The following SNX25 variants were observed in gnomAD, a reference collection of about 807,000 sequenced individuals.
SNX25 encodes sorting nexin 25.
In SNX25, 62 loss-of-function variants were observed where a neutral mutation model predicts 113.7. That is an observed-to-expected ratio of 0.55 (90% CI 0.44 to 0.67). The LOEUF (loss-of-function observed/expected upper bound fraction) is 0.67. SNX25 is among the 30% of genes least tolerant of loss of function. SNX25 has a pLI of 0.00. For missense variants in SNX25, 1,014 were observed against 1,161.0 expected, an observed-to-expected ratio of 0.87 and a Z score of 1.84; for synonymous variants, 421 against 436.2, an observed-to-expected ratio of 0.97 and a Z score of 0.43.
intron 9 of SNX25, among the ~76,000 whole-genome samples, chr4:185,328,744 G>C (rs1201202865): frequency 2.6e-5 from 4 of 152,190 alleles, no homozygotes; most frequent in Admixed American, 1.3e-4. Flanking sequence ...CATGGAGAAA[G>C]GGACATGAAC....
At chr4:185,337,866 A>G (rs1188245526) in intron 10 of SNX25, among the ~76,000 whole-genome samples, 1 of 152,162 alleles carries the variant, frequency 6.6e-6, no homozygotes, top group Admixed American at 6.5e-5. Context: ...TCCTACTACT[A>G]TCTTATTAAG....
chr4:185,299,803 G>C (rs1753375717), intron 6 of SNX25, among the ~76,000 whole-genome samples: 1 of 152,088 alleles, frequency 6.6e-6, no homozygotes, highest in African/African-American at 2.4e-5. Context: ...CTTTTTTGCT[G>C]TTCTGAATCC....
intron 6 of SNX25, among the ~76,000 whole-genome samples, chr4:185,289,842 T>C (rs1200262545): frequency 6.6e-6 from 1 of 152,200 alleles, no homozygotes; most frequent in East Asian, 1.9e-4. Context: ...TATTTTGTTA[T>C]TCCATTAGTT....
upstream of SNX25, among the ~76,000 whole-genome samples, chr4:185,207,104 C>T (rs891934217): frequency 6.6e-6 from 1 of 152,034 alleles, no homozygotes; most frequent in East Asian, 1.9e-4. Context: ...ACTCAATCCA[C>T]TGACCCAGGG....
downstream of SNX25, chr4:185,367,324 G>A: frequency 7.8e-7 from 1 of 1,278,786 alleles, no homozygotes; most frequent in Non-Finnish European, 1.1e-6. Flanking sequence ...TTTCTTTTTT[G>A]ATTCATTTTT....
chr4:185,339,353 C>T, intron 10 of SNX25, 26 bp from the exon 11 acceptor site: 1 of 1,610,658 alleles, frequency 6.2e-7, no homozygotes, highest in East Asian at 2.2e-5. Context: ...GTTTTCATAA[C>T]TCCCAGGATA....
intron 5 of SNX25, among the ~76,000 whole-genome samples, chr4:185,267,676 A>C (rs1448583025): frequency 4.0e-5 from 6 of 151,862 alleles, no homozygotes; most frequent in African/African-American, 1.2e-4. Context: ...GGTTGCAGTG[A>C]GCTGAGATCA....
At chr4:185,319,551 G>A (rs2095104057) in intron 7 of SNX25, among the ~76,000 whole-genome samples, 1 of 148,560 alleles carries the variant, frequency 6.7e-6, no homozygotes, top group Non-Finnish European at 1.5e-5. Context: ...TTTAAATATT[G>A]AAGCACTCAA....
At chr4:185,294,808 T>G (rs1275616060) in intron 6 of SNX25, among the ~76,000 whole-genome samples, 3 of 152,154 alleles carry the variant, frequency 2.0e-5, no homozygotes, top group Non-Finnish European at 4.4e-5. Context: ...AGTTATAATT[T>G]AAGTACGGAT....
At chr4:185,225,314 T>C (rs879766497) in intron 1 of SNX25, among the ~76,000 whole-genome samples, 78 of 152,092 alleles carry the variant, frequency 5.1e-4, no homozygotes, top group Non-Finnish European at 1.0e-3. Flanking sequence ...TTAGTAGAGA[T>C]GGGGTTTCAC....
In SNX25 at chr4:185,210,273, G is replaced by A; in HGVS notation, c.429+18G>A. ...CGCCGGGGGTAAGTACCCGACTCCTGGCCGCCCAGCTCCGCCGGCCCTCCC... is the reference window on the plus strand; with the variant it reads ...CGCCGGGGGTAAGTACCCGACTCCTAGCCGCCCAGCTCCGCCGGCCCTCCC... On this transcript the variant is annotated intron_variant, in intron 1 of 18. Transcript: ENST00000652585. The surrounding 1 kb of genome is among the most constrained non-coding windows in gnomAD (Gnocchi z 4.4). 2.0e-6 allele frequency: 2 copies of A among 984,642 alleles called. No homozygotes were observed. Among genetic ancestry groups the A allele is most frequent in the African/African-American group, 3.5e-5 (2 of 57,226 alleles). 61.0% of individuals were successfully genotyped at this position (984,642 alleles called of 1,614,324 possible). A position where few individuals can be genotyped will look rare whatever the true frequency, so the allele number is the denominator to read the frequency against.
chr4:185,300,185 A>T (rs903533850), intron 6 of SNX25, among the ~76,000 whole-genome samples: 34 of 151,108 alleles, frequency 2.3e-4, no homozygotes, highest in African/African-American at 8.0e-4. Context: ...TTTGAGGTGG[A>T]GCCTCGCTCT....
At position 185,232,939 on chromosome 4, in the gene SNX25, C is replaced by T. The variant is rs960048033; in HGVS notation, c.430-14355C>T. Among the ~76,000 whole-genome samples the T allele has an allele frequency of 7.2e-5, 11 of 152,272 alleles. No homozygotes were observed. Among genetic ancestry groups the T allele is most frequent in the African/African-American group, 2.4e-4 (10 of 41,550 alleles). On this transcript the variant is annotated intron_variant, in intron 1 of 18. Coordinates refer to ENST00000652585, the MANE Select transcript of SNX25 (RefSeq NM_001378034.2). This position sits in a 1 kb window ranked among gnomAD's most constrained non-coding sequence, Gnocchi z 4.4. Reference sequence around the variant, plus strand: ...TATTAGAATTCCTAAGCCCAGCCTTCCATGGTGGTATGGCTCATTAGCTAC... The same window carrying T: ...TATTAGAATTCCTAAGCCCAGCCTTTCATGGTGGTATGGCTCATTAGCTAC...
chr4:185,271,600 A>T (rs906410967), intron 5 of SNX25, among the ~76,000 whole-genome samples: 1 of 152,212 alleles, frequency 6.6e-6, no homozygotes, highest in Non-Finnish European at 1.5e-5. Context: ...TTTTTCTGGT[A>T]CAATTATAGT....
chr4:185,363,736 G>T lies in SNX25; in HGVS notation c.*271G>T. 1 of 276,264 alleles carries T rather than the reference G, an allele frequency of 3.6e-6. No homozygotes were observed. The allele number at this position is 276,264 out of a possible 1,614,324, so 17.1% of individuals were successfully genotyped here. A position where few individuals can be genotyped will look rare whatever the true frequency, so the allele number is the denominator to read the frequency against. On this transcript the variant is annotated 3_prime_UTR_variant, in exon 19 of 19. Coordinates refer to ENST00000652585, the MANE Select transcript of SNX25 (RefSeq NM_001378034.2). The surrounding 1 kb of genome is among the most constrained non-coding windows in gnomAD (Gnocchi z 4.2). ...ACAAATGTTAATATGTGAGAACCTA[G>T]GAAGTATTTTAAATATTTATGAAAA...
chr4:185,223,383 T>A (rs566002488), intron 1 of SNX25, among the ~76,000 whole-genome samples: 2 of 152,326 alleles, frequency 1.3e-5, no homozygotes, highest in South Asian at 4.1e-4. Context: ...TGATTGCACA[T>A]CAGTGGTGCA....
At chr4:185,248,483 C>T (rs1051682889) in intron 2 of SNX25, among the ~76,000 whole-genome samples, 1 of 152,008 alleles carries the variant, frequency 6.6e-6, no homozygotes, top group African/African-American at 2.4e-5. Flanking sequence ...GAAACTCTGT[C>T]TCTGCAAAAA....
intron 11 of SNX25, among the ~76,000 whole-genome samples, chr4:185,341,765 A>T (rs919956139): frequency 6.6e-6 from 1 of 152,158 alleles, no homozygotes; most frequent in African/African-American, 2.4e-5. Context: ...CTTTTAGGTT[A>T]GGCCCACCCA....
intron 5 of SNX25, among the ~76,000 whole-genome samples, chr4:185,268,027 T>TG (rs1748383415): frequency 2.0e-5 from 3 of 152,208 alleles, no homozygotes; most frequent in Admixed American, 2.0e-4. Context: ...TTTGTCTTAC[T>TG]GTCTCAGGTG....
Sources: allele counts gnomAD v4.1 joint callset (sites outside exome capture counted in the v4.1 genomes callset), GRCh38; gene constraint gnomAD v4.1.1; non-coding constraint Gnocchi (gnomAD v3.1); transcripts MANE v1.5; gene names NCBI Gene and HGNC (gene_info 2026-07-23, HGNC 2026-07-21).